CNTN5: variants seen among roughly 807,000 people sequenced by gnomAD.
CNTN5 encodes the protein contactin 5.
A neutral mutation model predicts 129.1 loss-of-function variants in CNTN5; 77 were observed. The ratio of observed to expected loss-of-function variants is 0.60; its 90% CI spans 0.50 to 0.72. The LOEUF (loss-of-function observed/expected upper bound fraction) is 0.72. CNTN5 is among the 30% of genes least tolerant of loss of function. The probability of loss-of-function intolerance (pLI) is 0.00; values close to 1 mark genes in which losing one functional copy is unlikely to be tolerated. For missense variants in CNTN5, 1,478 were observed against 1,328.8 expected, an observed-to-expected ratio of 1.11 and a Z score of -1.75; for synonymous variants, 509 against 465.6, an observed-to-expected ratio of 1.09 and a Z score of -1.20.
At chr11:100,151,100 T>C (rs1947038118) in intron 13 of CNTN5, among the ~76,000 whole-genome samples, 1 of 152,122 alleles carries the variant, frequency 6.6e-6, no homozygotes, top group Non-Finnish European at 1.5e-5. Context: ...TGTCAATCAT[T>C]TAAGTCTCTC....
chr11:99,919,035 G>A (rs1237056232), intron 7 of CNTN5, among the ~76,000 whole-genome samples: 1 of 152,132 alleles, frequency 6.6e-6, no homozygotes, highest in Non-Finnish European at 1.5e-5. Flanking sequence ...GGACACAGTA[G>A]CAGGGATAAG....
At chr11:99,263,177 T>C (rs1219574539) in intron 1 of CNTN5, among the ~76,000 whole-genome samples, 2 of 152,128 alleles carry the variant, frequency 1.3e-5, no homozygotes, top group Non-Finnish European at 2.9e-5. Context: ...TTTTTATGTG[T>C]CTTCTACGCT....
At chr11:99,484,353 G>A (rs900675522) in intron 2 of CNTN5, among the ~76,000 whole-genome samples, 38 of 152,166 alleles carry the variant, frequency 2.5e-4, no homozygotes, top group African/African-American at 8.9e-4. Flanking sequence ...TACTAGAATA[G>A]CATTTATCCA....
rs377265526 is a variant in CNTN5, at chr11:99,784,043, C to G, written c.56-35501C>G. 1.1e-4 allele frequency among the ~76,000 whole-genome samples: 16 copies of G among 152,010 alleles called. No homozygotes were observed. In the East Asian group the frequency reaches 1.4e-3, roughly 13 times the overall value. ...ACTTTAAAAGCTGTGTGCCTTGATA[C>G]TCTAGTCACTACTCAAATGTATGTA... is the stretch of plus-strand genomic sequence containing the variant. On this transcript the variant is annotated intron_variant, in intron 3 of 24. Transcript: ENST00000524871.
At chr11:99,230,886 T>C (rs1216282194) in intron 1 of CNTN5, among the ~76,000 whole-genome samples, 1 of 152,196 alleles carries the variant, frequency 6.6e-6, no homozygotes. Context: ...TTCCCACTTA[T>C]AAGTGAAAAC....
chr11:99,630,450 T>C (rs955166444), intron 3 of CNTN5, among the ~76,000 whole-genome samples: 32 of 152,158 alleles, frequency 2.1e-4, no homozygotes, highest in African/African-American at 6.5e-4. Context: ...TTTCTGACCA[T>C]GGATTCATAG....
At chr11:99,301,408 CATTTAAG>C (rs1309201889) in intron 1 of CNTN5, among the ~76,000 whole-genome samples, 1 of 151,450 alleles carries the variant, frequency 6.6e-6, no homozygotes, top group African/African-American at 2.4e-5. Flanking sequence ...TAGATATGCC[CATTTAAG>C]ATATAATCAA....
intron 2 of CNTN5, among the ~76,000 whole-genome samples, chr11:99,552,266 C>A (rs546807469): frequency 8.7e-5 from 13 of 148,864 alleles, no homozygotes; most frequent in African/African-American, 3.2e-4. Flanking sequence ...CTAGAGACTT[C>A]AGTTTATTCA....
chr11:99,549,728 G>A (rs1389786), intron 2 of CNTN5, among the ~76,000 whole-genome samples: 13,485 of 152,006 alleles, frequency 0.089, 1,202 homozygotes, highest in East Asian at 0.35. Context: ...ACAACACAAG[G>A]CCTGTCAGAA....
intron 2 of CNTN5, among the ~76,000 whole-genome samples, chr11:99,380,782 A>AG (rs1555126509): frequency 7.3e-5 from 10 of 137,840 alleles, no homozygotes; most frequent in East Asian, 2.0e-4. Context: ...AAAAAAAAAA[A>AG]AAAAGAAAAG....
chr11:99,719,792 TGAAAA>T (rs912217411), intron 3 of CNTN5, among the ~76,000 whole-genome samples: 4 of 151,690 alleles, frequency 2.6e-5, no homozygotes, highest in African/African-American at 9.7e-5. Context: ...CTAAACTAAT[TGAAAA>T]GAAAAGAGAG....
intron 16 of CNTN5, among the ~76,000 whole-genome samples, chr11:100,243,855 C>T (rs527999623): frequency 4.6e-5 from 7 of 152,148 alleles, no homozygotes; most frequent in Admixed American, 1.3e-4. Flanking sequence ...ATCTTCTCAC[C>T]CCTGTACTTC....
At position 99,762,000 on chromosome 11, in the gene CNTN5, T is replaced by C. The variant is rs1021552474; in HGVS notation, c.56-57544T>C. On this transcript the variant is annotated intron_variant, in intron 3 of 24. Transcript: ENST00000524871. ...TATCTCATTGTGGTTTTGATTTGCA[T>C]TTCTCTGATGGCCAGTGATGATGGG... is the stretch of plus-strand genomic sequence containing the variant. 2.6e-5 allele frequency among the ~76,000 whole-genome samples: 3 copies of C among 116,758 alleles called. No individual in the cohort carries two copies. In the Admixed American group the frequency reaches 2.7e-4, roughly 10 times the overall value. The allele number at this position is 116,758 out of a possible 152,430, so 76.6% of individuals were successfully genotyped here. A position where few individuals can be genotyped will look rare whatever the true frequency, so the allele number is the denominator to read the frequency against.
rs184091418 is a variant in CNTN5 at position 99,588,224 on chromosome 11, G to C, written c.55+31955G>C. 3.2e-4 allele frequency among the ~76,000 whole-genome samples: 48 copies of C among 151,856 alleles called. 1 individual carries two copies. The highest frequency in any genetic ancestry group is 1.1e-3 in the African/African-American group (47 of 41,440). ...CTGGGCCTATTGGCGGACGCCTATA[G>C]TCCCAGCTACTCAGGAGGCTGAGGC... is the stretch of plus-strand genomic sequence containing the variant. On this transcript the variant is annotated intron_variant, in intron 3 of 24. Coordinates refer to ENST00000524871, the MANE Select transcript of CNTN5 (RefSeq NM_014361.4).
intron 6 of CNTN5, among the ~76,000 whole-genome samples, chr11:99,906,945 G>GT (rs1949523899): frequency 6.6e-6 from 1 of 152,090 alleles, no homozygotes; most frequent in East Asian, 1.9e-4. Flanking sequence ...ATGGTAGTTT[G>GT]TATTTCTGTG....
chr11:99,639,176 G>A (rs376492044), intron 3 of CNTN5, among the ~76,000 whole-genome samples: 6 of 152,194 alleles, frequency 3.9e-5, no homozygotes, highest in African/African-American at 1.2e-4. Flanking sequence ...ACCCTCTGAA[G>A]CCACAGCCTG....
At chr11:100,027,001 A>C (rs1311038212) in intron 9 of CNTN5, among the ~76,000 whole-genome samples, 1 of 152,086 alleles carries the variant, frequency 6.6e-6, no homozygotes, top group Non-Finnish European at 1.5e-5. Flanking sequence ...TTTTATCTCT[A>C]AAATTCTGAT....
At chr11:99,442,918 C>T (rs996598590) in intron 2 of CNTN5, among the ~76,000 whole-genome samples, 1 of 152,246 alleles carries the variant, frequency 6.6e-6, no homozygotes, top group East Asian at 1.9e-4. Flanking sequence ...ATGTGGATGG[C>T]ACTGTGATTG....
At chr11:99,869,728 A>G (rs1948453314) in intron 6 of CNTN5, among the ~76,000 whole-genome samples, 1 of 152,202 alleles carries the variant, frequency 6.6e-6, no homozygotes, top group Non-Finnish European at 1.5e-5. Context: ...GATCGAGCAG[A>G]GTGCAGCTTA....
Sources: gnomAD v4.1 joint callset for allele counts (sites outside exome capture counted in the v4.1 genomes callset) on GRCh38, gnomAD v4.1.1 for gene constraint, MANE v1.5 for transcripts, NCBI Gene and HGNC (gene_info 2026-07-23, HGNC 2026-07-21) for gene names.